MPP4: variants seen among roughly 807,000 people sequenced by gnomAD.
MPP4 encodes MAGUK p55 scaffold protein 4, also known as MAGUK p55 subfamily member 4.
A neutral mutation model predicts 98.3 loss-of-function variants in MPP4; 91 were observed. That is an observed-to-expected ratio of 0.93 (90% CI 0.78 to 1.10). MPP4 has a LOEUF of 1.10. Ranked by LOEUF, MPP4 falls within the 50% of genes least tolerant of loss-of-function variation. The pLI is 0.00. For synonymous variants in MPP4, 261 were observed against 271.8 expected, an observed-to-expected ratio of 0.96 and a Z score of 0.39; for missense variants, 744 against 792.9, an observed-to-expected ratio of 0.94 and a Z score of 0.74.
chr2:201,661,535 G>A lies in MPP4; in HGVS notation c.1073-1189C>T, dbSNP rs145517711. On this transcript the variant is annotated intron_variant, in intron 14 of 21. Coordinates refer to ENST00000409474, the MANE Select transcript of MPP4 (RefSeq NM_033066.3). Reference sequence around the variant, plus strand: ...CAGCTGAGAGGAGTCCACAAGGGGCGTTTTACAGTAGGCACCTCCCTCTGC... The same window carrying A: ...CAGCTGAGAGGAGTCCACAAGGGGCATTTTACAGTAGGCACCTCCCTCTGC... The A allele has an allele frequency of 6.8e-5, 31 of 456,472 alleles. No individual in the cohort carries two copies. The East Asian group carries it at 1.6e-3, about 24-fold the overall frequency. 28.3% of individuals were successfully genotyped at this position (456,472 alleles called of 1,614,324 possible). A position where few individuals can be genotyped will look rare whatever the true frequency, so the allele number is the denominator to read the frequency against.
chr2:201,688,517 C>T (rs1428710129), intron 4 of MPP4, among the ~76,000 whole-genome samples: 1 of 152,126 alleles, frequency 6.6e-6, no homozygotes, highest in Non-Finnish European at 1.5e-5. Flanking sequence ...AGATGAGGGA[C>T]AGATCAGGTA....
rs916426855 is a variant in MPP4 at position 201,656,338 on chromosome 2, C to A, written c.1160G>T (p.Arg387Leu). The change falls in exon 17 of 22, where the codon CGC becomes CTC. Residue 387 changes from arginine (R) to leucine (L), a missense_variant. Transcript: ENST00000409474. ...CAGCGGGCTGAGGTGAGACTTCCTG[C>A]GACAAAGGCGCATGCTGCGGCGGAA... Reference protein sequence around the residue: ...AGFRRSMRLCRRKSHLSPLHA... With the variant: ...AGFRRSMRLCLRKSHLSPLHA... 11 of 1,554,530 alleles carry A rather than the reference C, an allele frequency of 7.1e-6. No homozygotes were observed. In the Admixed American group the frequency reaches 1.6e-4, roughly 22 times the overall value.
intron 7 of MPP4, 56 bp downstream of exon 7, chr2:201,685,008 C>T: frequency 1.6e-6 from 2 of 1,260,166 alleles, no homozygotes; most frequent in South Asian, 1.3e-5. Context: ...GAAGCCTAAA[C>T]AGTCAAGGGT....
chr2:201,650,142 A>C lies in MPP4; in HGVS notation c.1405T>G (p.Tyr469Asp), dbSNP rs769331389. The C allele has an allele frequency of 2.5e-6, 4 of 1,575,786 alleles. No individual in the cohort carries two copies. Residue 469 changes from tyrosine (Y) to aspartate (D), a missense_variant, in exon 19 of 22, where the codon TAC (tyrosine) becomes GAC (aspartate). Transcript: ENST00000409474. Reference sequence around the variant, plus strand: ...TGATACTCACGCCCATTCATTTCGTAACTCTTTTTAGTACGAGTAGTGTCT... The same window carrying C: ...TGATACTCACGCCCATTCATTTCGTCACTCTTTTTAGTACGAGTAGTGTCT... Reference protein sequence around the residue: ...VPHTTRTKKSYEMNGREYHYV... With the variant: ...VPHTTRTKKSDEMNGREYHYV...
chr2:201,645,791 T>C (rs1414870810), intron 21 of MPP4, among the ~76,000 whole-genome samples: 1 of 152,156 alleles, frequency 6.6e-6, no homozygotes, highest in African/African-American at 2.4e-5. Flanking sequence ...GCTGGGACTA[T>C]AGGCACATGC....
At chr2:201,659,599 G>A (rs527906552) in intron 15 of MPP4, among the ~76,000 whole-genome samples, 22 of 152,268 alleles carry the variant, frequency 1.4e-4, no homozygotes, top group African/African-American at 4.6e-4. Flanking sequence ...TTGGGAGGCC[G>A]AGGGTGGCAG....
intron 12 of MPP4, chr2:201,666,697 C>T (rs1688186464): frequency 5.8e-6 from 1 of 171,682 alleles, no homozygotes; most frequent in Admixed American, 6.3e-5. Flanking sequence ...GCACTCCAGC[C>T]TGGGCAACAA....
chr2:201,659,181 G>A (rs185302716), intron 15 of MPP4, among the ~76,000 whole-genome samples: 65 of 150,414 alleles, frequency 4.3e-4, no homozygotes, highest in East Asian at 7.9e-4. Context: ...CAGGGATTAC[G>A]CCCGGCCTTG....
At chr2:201,697,620 C>T (rs972669545) in intron 1 of MPP4, among the ~76,000 whole-genome samples, 9 of 152,218 alleles carry the variant, frequency 5.9e-5, no homozygotes, top group African/African-American at 2.2e-4. Context: ...TCCCTCAAGG[C>T]AGTAGCCAGC....
At chr2:201,680,522 T>G in intron 10 of MPP4, 1 of 236,220 alleles carries the variant, frequency 4.2e-6, no homozygotes, top group Non-Finnish European at 8.4e-6. Flanking sequence ...CTTAATACTA[T>G]TGCATTGGGG....
chr2:201,678,314 T>C (rs557250098), intron 10 of MPP4, among the ~76,000 whole-genome samples: 1 of 152,198 alleles, frequency 6.6e-6, no homozygotes, highest in East Asian at 1.9e-4. Flanking sequence ...CAAGCTCAGG[T>C]CACCCCTTAT....
chr2:201,695,682 T>C (rs1429456084), intron 1 of MPP4, among the ~76,000 whole-genome samples: 1 of 152,162 alleles, frequency 6.6e-6, no homozygotes, highest in East Asian at 1.9e-4. Context: ...AACCTTGGTA[T>C]ATAAATACCC....
intron 11 of MPP4, among the ~76,000 whole-genome samples, chr2:201,671,141 C>T (rs538908486): frequency 1.3e-5 from 2 of 150,864 alleles, no homozygotes; most frequent in African/African-American, 4.8e-5. Context: ...GCCGTTTGGG[C>T]AGACACTGAG....
At chr2:201,675,088 A>T (rs1203771218) in intron 11 of MPP4, 119 bp downstream of exon 11, 8 of 1,131,026 alleles carry the variant, frequency 7.1e-6, no homozygotes, top group Non-Finnish European at 1.0e-5. Context: ...TGATTTAAAT[A>T]ACAACTCCAT....
chr2:201,693,930 C>T lies in MPP4; in HGVS notation c.25G>A (p.Asp9Asn), dbSNP rs768378461. The change falls in exon 2 of 22, where the codon GAT becomes AAT. Residue 9 changes from aspartate (D) to asparagine (N), a missense_variant. Physicochemically the swap from Asp to Asn is conservative, Grantham distance 23. Transcript: ENST00000409474. Reference protein sequence around the residue: MIQSDKGADPPDKKDMKLS... With the variant: MIQSDKGANPPDKKDMKLS... ...TTCATGTCCTTCTTGTCTGGTGGAT[C>T]TGCTCCTTTGTCTGACTGTATCATC... is the stretch of plus-strand genomic sequence containing the variant. The T allele has an allele frequency of 6.2e-7, 1 of 1,613,882 alleles. No homozygotes were observed. Among genetic ancestry groups the T allele is most frequent in the Non-Finnish European group, 8.5e-7 (1 of 1,179,874 alleles).
chr2:201,661,706 T>C, intron 14 of MPP4: 1 of 444,020 alleles, frequency 2.3e-6, no homozygotes, highest in South Asian at 1.6e-5. Flanking sequence ...GTTGCCATTT[T>C]AGAGGTGAGG....
intron 19 of MPP4, among the ~76,000 whole-genome samples, 159 bp from the exon 20 acceptor site, chr2:201,649,843 A>G (rs2105911041): frequency 6.6e-6 from 1 of 152,390 alleles, no homozygotes; most frequent in South Asian, 2.1e-4. Flanking sequence ...AAATGAGCAT[A>G]TCTAGAGTTT....
chr2:201,664,699 A>C (rs1688123136), intron 13 of MPP4, among the ~76,000 whole-genome samples: 1 of 152,244 alleles, frequency 6.6e-6, no homozygotes, highest in South Asian at 2.1e-4. Context: ...AATACATGGC[A>C]ACATTACCAA....
Position 201,681,820 on chromosome 2 carries a change from AC to A in MPP4, c.661-254del, listed in dbSNP as rs138438824. On this transcript the variant is annotated intron_variant, in intron 8 of 21. Transcript: ENST00000409474. ...CACACTGAAGTGGCCTCTTCCAGGG[AC>A]CCCCCCCCACCCTACACTGAAACAG... 1.4e-3 allele frequency among the ~76,000 whole-genome samples: 201 copies of A among 144,646 alleles called. 1 individual carries two copies. The highest frequency in any genetic ancestry group is 3.1e-3 in the African/African-American group (119 of 38,288). 94.9% of individuals were successfully genotyped at this position (144,646 alleles called of 152,430 possible). A position where few individuals can be genotyped will look rare whatever the true frequency, so the allele number is the denominator to read the frequency against.
Sources: allele counts gnomAD v4.1 joint callset (sites outside exome capture counted in the v4.1 genomes callset), GRCh38; gene constraint gnomAD v4.1.1; transcripts MANE v1.5; gene names NCBI Gene and HGNC (gene_info 2026-07-23, HGNC 2026-07-21).